EPHA10: variants seen among roughly 807,000 people sequenced by gnomAD.
EPHA10 encodes EPH receptor A10.
A neutral mutation model predicts 109.7 loss-of-function variants in EPHA10; 120 were observed. The ratio of observed to expected loss-of-function variants is 1.09; its 90% CI spans 0.94 to 1.27. EPHA10 has a LOEUF of 1.27. Ranked by LOEUF, EPHA10 falls within the 50% of genes most tolerant of loss-of-function variation. EPHA10 has a pLI of 0.00. For synonymous variants in EPHA10, 640 were observed against 618.9 expected, an observed-to-expected ratio of 1.03 and a Z score of -0.51; for missense variants, 1,396 against 1,411.1, an observed-to-expected ratio of 0.99 and a Z score of 0.17.
intron 10 of EPHA10, chr1:37,722,111 A>T: frequency 2.7e-6 from 1 of 366,090 alleles, no homozygotes; most frequent in Non-Finnish European, 5.0e-6. Flanking sequence ...AGACTGGGTG[A>T]CAGAGCAAGA....
chr1:37,732,311 G>A (rs138269742), intron 6 of EPHA10, among the ~76,000 whole-genome samples: 23 of 152,128 alleles, frequency 1.5e-4, no homozygotes, highest in South Asian at 1.2e-3. Flanking sequence ...TGCAGAGCCC[G>A]TGTTTTTTGC....
rs543417433 is a variant in EPHA10 at position 37,736,476 on chromosome 1, C to CAA, written c.1358-1088_1358-1087dup. Among the ~76,000 whole-genome samples the CAA allele has an allele frequency of 5.0e-3, 288 of 57,688 alleles. 6 individuals carry two copies. The highest frequency in any genetic ancestry group is 0.022 in the East Asian group (28 of 1,258). 37.8% of individuals were successfully genotyped at this position (57,688 alleles called of 152,430 possible). The stretch of plus-strand genomic sequence containing the variant: ...GGGCAACAAAAGCAAAATTCTGTCT[C>CAA]AAAAAAAAAAAAAAAAAAAAAAAGA... On this transcript the variant is annotated intron_variant, in intron 5 of 16. Coordinates refer to ENST00000373048, the MANE Select transcript of EPHA10 (RefSeq NM_001099439.2).
chr1:37,761,781 G>A lies in EPHA10; in HGVS notation c.474C>T (p.Asp158=), dbSNP rs781249273. ...RPRKIDTIAA[D]ESFTQGDLGE... The stretch of plus-strand genomic sequence containing the variant: ...CCAGGTCGCCCTGCGTGAAGCTCTC[G>A]TCCGCCGCGATCGTGTCGATTTTGC... Residue 158 remains aspartate (D), a synonymous_variant, in exon 3 of 17, where the codon GAC becomes GAT. Transcript: ENST00000373048. 8.7e-6 allele frequency: 14 copies of A among 1,613,616 alleles called. 1 individual carries two copies. The South Asian group carries it at 1.1e-4, about 13-fold the overall frequency.
rs200476405 is a variant in EPHA10 at position 37,741,890 on chromosome 1, ACGG to A, written c.1358-6503_1358-6501del. ...CTTCTCAGCCAAAATTCACTTTGAGACGGCAGCTCCCAGAAAAGGCCTGAGCAC... is the reference window on the plus strand; with the variant it reads ...CTTCTCAGCCAAAATTCACTTTGAGACAGCTCCCAGAAAAGGCCTGAGCAC... On this transcript the variant is annotated intron_variant, in intron 5 of 16. Coordinates refer to ENST00000373048, the MANE Select transcript of EPHA10 (RefSeq NM_001099439.2). 8.5e-3 allele frequency among the ~76,000 whole-genome samples: 1,291 copies of A among 152,210 alleles called. 28 individuals are homozygous for A. The highest frequency in any genetic ancestry group is 0.03 in the African/African-American group (1,252 of 41,516).
chr1:37,715,333 T>G (rs1029341488), downstream of EPHA10, among the ~76,000 whole-genome samples: 1 of 152,014 alleles, frequency 6.6e-6, no homozygotes, highest in Non-Finnish European at 1.5e-5. Flanking sequence ...CCCGGCCATT[T>G]TTCTCTGTAT....
chr1:37,750,448 A>G (rs1003835009), intron 5 of EPHA10, among the ~76,000 whole-genome samples: 1 of 113,660 alleles, frequency 8.8e-6, no homozygotes, highest in South Asian at 3.3e-4. Flanking sequence ...ATGGATTAAG[A>G]GCTCAAAAGG....
In EPHA10 at chr1:37,753,000, C is replaced by T; in HGVS notation, c.1233G>A (p.Thr411=). The change falls in exon 5 of 17, where the codon ACG becomes ACA. Residue 411 remains threonine, a synonymous_variant. Transcript: ENST00000373048. The stretch of plus-strand genomic sequence containing the variant: ...GCGCGCCGGGCCGCAGGTGCAGCAG[C>T]GTGGCGGCTCGCTCCCGCAGCCCTG... ...RQAGLRERAA[T]LLHLRPGARY... is the part of the protein sequence containing the mutation. 8.1e-7 allele frequency: 1 copy of T among 1,232,210 alleles called. No homozygotes were observed. Among genetic ancestry groups the T allele is most frequent in the Non-Finnish European group, 1.0e-6 (1 of 988,312 alleles). The allele number at this position is 1,232,210 out of a possible 1,614,324, so 76.3% of individuals were successfully genotyped here.
chr1:37,744,295 C>T (rs1213275384), intron 5 of EPHA10, among the ~76,000 whole-genome samples: 2 of 150,428 alleles, frequency 1.3e-5, no homozygotes, highest in Non-Finnish European at 3.0e-5. Context: ...GGGTGGATCA[C>T]GAGGTCAGGA....
At chr1:37,720,750 A>G in intron 12 of EPHA10, 33 bp downstream of exon 12, 1 of 1,612,594 alleles carries the variant, frequency 6.2e-7, no homozygotes, top group South Asian at 1.1e-5. Context: ...TTTACAGAAT[A>G]AAGTGGTCAT....
In EPHA10 at chr1:37,761,928, G is replaced by C. The variant is rs1029814982; in HGVS notation, c.327C>G (p.Leu109=). The C allele has an allele frequency of 1.4e-5, 23 of 1,613,832 alleles. No individual in the cohort carries two copies. The highest frequency in any genetic ancestry group is 1.9e-5 in the Non-Finnish European group (23 of 1,179,918). ...CGCCAGGGATGCTGCTGCAGTCACG[G>C]AGTGTGAACTGCAGTTCCACGAAGA... is the stretch of plus-strand genomic sequence containing the variant. The part of the protein sequence containing the change: ...QRIFVELQFT[L]RDCSSIPGAA... The change falls in exon 3 of 17, where the codon CTC becomes CTG. Residue 109 remains leucine, a synonymous_variant. Transcript: ENST00000373048.
chr1:37,751,567 CAA>C (rs34755028), intron 5 of EPHA10, among the ~76,000 whole-genome samples: 24,754 of 141,786 alleles, frequency 0.17, 2,314 homozygotes, highest in South Asian at 0.24. Flanking sequence ...AACTCCATTT[CAA>C]AAAAAAAAAA....
At chr1:37,735,527 C>T in intron 5 of EPHA10, 137 bp from the exon 6 acceptor site, 2 of 1,057,976 alleles carry the variant, frequency 1.9e-6, no homozygotes, top group South Asian at 3.3e-5. Flanking sequence ...GGGCTGTGGG[C>T]GGGGCTAGGG....
Position 37,765,094 on chromosome 1 carries a change from C to T in EPHA10, c.-28G>A. The T allele has an allele frequency of 1.3e-6, 2 of 1,561,848 alleles. No individual in the cohort carries two copies. The highest frequency in any genetic ancestry group is 8.6e-7 in the Non-Finnish European group (1 of 1,157,862). On this transcript the variant is annotated 5_prime_UTR_variant, in exon 1 of 17. Transcript: ENST00000373048. Reference sequence around the variant, plus strand: ...TCCGCAGACCGAGCTGTCAGTCCGGCGGCGGCTCAAGCCGCGCCAGCCTAG... The same window carrying T: ...TCCGCAGACCGAGCTGTCAGTCCGGTGGCGGCTCAAGCCGCGCCAGCCTAG...
chr1:37,735,165 A>G, intron 6 of EPHA10, 92 bp downstream of exon 6: 25 of 1,499,436 alleles, frequency 1.7e-5, no homozygotes, highest in Admixed American at 3.9e-5. Flanking sequence ...GGGAGTAACG[A>G]GGGCTTTTGC....
At chr1:37,762,910 G>C in intron 1 of EPHA10, 61 bp from the exon 2 acceptor site, 1 of 1,465,770 alleles carries the variant, frequency 6.8e-7, no homozygotes, top group Non-Finnish European at 9.3e-7. Flanking sequence ...CAAGAGAGTG[G>C]AATCCTTTGG....
Position 37,762,809 on chromosome 1 carries a change from G to A in EPHA10, c.147C>T (p.Gly49=). The change falls in exon 2 of 17, where the codon GGC becomes GGT. Residue 49 remains glycine, a synonymous_variant. Transcript: ENST00000373048. ...LDSKASQAEL[G]WTALPSNGWE... Reference sequence around the variant, plus strand: ...CCCCATTACTTGGCAGTGCAGTCCAGCCCAGCTCGGCCTGGGAGGCTTTGG... The same window carrying A: ...CCCCATTACTTGGCAGTGCAGTCCAACCCAGCTCGGCCTGGGAGGCTTTGG... 1 of 1,553,944 alleles carries A rather than the reference G, an allele frequency of 6.4e-7. No individual in the cohort carries two copies. The highest frequency in any genetic ancestry group is 8.7e-7 in the Non-Finnish European group (1 of 1,147,956).
intron 5 of EPHA10, among the ~76,000 whole-genome samples, chr1:37,751,863 C>T (rs1006534343): frequency 6.1e-5 from 9 of 147,708 alleles, no homozygotes; most frequent in Non-Finnish European, 1.0e-4. Flanking sequence ...CAGAGCAAGA[C>T]TCTGTCTCAA....
At chr1:37,740,373 T>A (rs1211041132) in intron 5 of EPHA10, among the ~76,000 whole-genome samples, 1 of 152,158 alleles carries the variant, frequency 6.6e-6, no homozygotes, top group Non-Finnish European at 1.5e-5. Context: ...GGGCGGGATC[T>A]CGGCTCACTG....
At chr1:37,722,915 C>A in intron 10 of EPHA10, 126 bp downstream of exon 10, 1 of 1,454,930 alleles carries the variant, frequency 6.9e-7, no homozygotes, top group Admixed American at 1.7e-5. Flanking sequence ...GCAGGGCTTC[C>A]AGACACGAGC....
Sources: gnomAD v4.1 joint callset for allele counts (sites outside exome capture counted in the v4.1 genomes callset) on GRCh38, gnomAD v4.1.1 for gene constraint, MANE v1.5 for transcripts, NCBI Gene and HGNC (gene_info 2026-07-23, HGNC 2026-07-21) for gene names.